GSN: variants seen among roughly 807,000 people sequenced by gnomAD.
GSN encodes the protein gelsolin.
GSN carries 56 observed loss-of-function variants against 85.7 expected under a neutral mutation model. The observed-to-expected ratio is 0.65, with a 90% CI of 0.53 to 0.82. The LOEUF (loss-of-function observed/expected upper bound fraction) is 0.82, where lower values mean the gene tolerates loss of function less well. GSN is among the 40% of genes least tolerant of loss of function. The probability of loss-of-function intolerance (pLI) is 0.00; values close to 1 mark genes in which losing one functional copy is unlikely to be tolerated. For missense variants in GSN, 857 were observed against 979.8 expected, an observed-to-expected ratio of 0.87 and a Z score of 1.67; for synonymous variants, 373 against 399.1, an observed-to-expected ratio of 0.93 and a Z score of 0.78.
In GSN at chr9:121,318,832, C is replaced by T. The variant is rs2062028424; in HGVS notation, c.1143C>T (p.Ala381=). ...CCGCCACCCTGCACACCTCCACTGC[C>T]ATGGCCGCCCAGCACGGCATGGATG... ...FDAATLHTST[A]MAAQHGMDDD... Residue 381 remains alanine, a synonymous_variant, in exon 10 of 18, where the codon GCC becomes GCT. Transcript: ENST00000432226. This position sits in a 1 kb window ranked among gnomAD's most constrained non-coding sequence, Gnocchi z 4.3. 5 of 1,614,008 alleles carry T rather than the reference C, an allele frequency of 3.1e-6. No homozygotes were observed. Among genetic ancestry groups the T allele is most frequent in the Non-Finnish European group, 8.5e-7 (1 of 1,180,036 alleles).
chr9:121,327,025 C>A, intron 13 of GSN: 1 of 656,558 alleles, frequency 1.5e-6, no homozygotes, highest in South Asian at 1.6e-5. Flanking sequence ...GTCTGAGCAG[C>A]CTAGAGGGGA....
chr9:121,297,892 GT>G (rs1484271142), intron 2 of GSN: 2 of 152,210 alleles, frequency 1.3e-5, no homozygotes, highest in African/African-American at 2.4e-5. Context: ...TGTGTTTTGA[GT>G]TTGGATAAAT....
chr9:121,317,284 C>G lies in GSN; in HGVS notation c.886+66C>G, dbSNP rs895569559. 82 of 1,557,150 alleles carry G rather than the reference C, an allele frequency of 5.3e-5. No homozygotes were observed. The Middle Eastern group carries it at 6.7e-4, about 13-fold the overall frequency. ...TCTTGGATGGGATGTTCTGCAGCTC[C>G]CAGGAACTCAGCTCCCGGGGAGTGT... On this transcript the variant is annotated intron_variant, in intron 8 of 17. Transcript: ENST00000432226.
At chr9:121,212,238 A>C (rs1193658555) in intron 4 of GSN, among the ~76,000 whole-genome samples, 25 of 152,332 alleles carry the variant, frequency 1.6e-4, no homozygotes, top group Admixed American at 1.6e-3. Context: ...CAGACTCTCT[A>C]ATCCTTATCA....
intron 6 of GSN, among the ~76,000 whole-genome samples, chr9:121,254,543 G>C (rs1484979914): frequency 6.6e-6 from 1 of 152,040 alleles, no homozygotes; most frequent in Non-Finnish European, 1.5e-5. Context: ...TTCTCTTTAG[G>C]ATGATTTTAA....
intron 11 of GSN, among the ~76,000 whole-genome samples, chr9:121,323,501 C>T (rs1015496416): frequency 6.0e-5 from 9 of 151,192 alleles, no homozygotes; most frequent in Non-Finnish European, 1.2e-4. Context: ...TCCTGAGTAT[C>T]TGGGACTACA....
chr9:121,300,793 G>C (rs1035526439), intron 2 of GSN, among the ~76,000 whole-genome samples: 1 of 152,184 alleles, frequency 6.6e-6, no homozygotes, highest in Non-Finnish European at 1.5e-5. Context: ...GCAGGAGGGA[G>C]GAGGCAGACA....
In GSN at chr9:121,318,609, G is replaced by A; in HGVS notation, c.976-56G>A. 1.3e-6 allele frequency: 2 copies of A among 1,503,384 alleles called. No individual in the cohort carries two copies. Among genetic ancestry groups the A allele is most frequent in the Non-Finnish European group, 9.3e-7 (1 of 1,080,244 alleles). The allele number at this position is 1,503,384 out of a possible 1,614,324, so 93.1% of individuals were successfully genotyped here. On this transcript the variant is annotated intron_variant, in intron 9 of 17. Coordinates refer to ENST00000432226, the MANE Select transcript of GSN (RefSeq NM_198252.3). The surrounding 1 kb of genome is among the most constrained non-coding windows in gnomAD (Gnocchi z 4.3). ...TGGATGGGGTATCTGAGGCTCCCCTGGGGACCCCTGCTGGGCAGCCCAGCC... is the reference window on the plus strand; with the variant it reads ...TGGATGGGGTATCTGAGGCTCCCCTAGGGACCCCTGCTGGGCAGCCCAGCC...
intron 4 of GSN, chr9:121,222,858 C>T (rs1333354451): frequency 6.6e-6 from 1 of 151,956 alleles, no homozygotes; most frequent in Non-Finnish European, 1.5e-5. Flanking sequence ...AAGTGGGTAA[C>T]GTGAGAGAGT....
At chr9:121,270,955 G>A (rs2055852154) in intron 1 of GSN, among the ~76,000 whole-genome samples, 1 of 152,220 alleles carries the variant, frequency 6.6e-6, no homozygotes, top group Admixed American at 6.5e-5. Flanking sequence ...TAGAAGCACT[G>A]ACTTGGAAAT....
At chr9:121,282,054 C>T (rs147969354) in intron 2 of GSN, 24 of 474,158 alleles carry the variant, frequency 5.1e-5, no homozygotes, top group African/African-American at 2.0e-4. Context: ...GAGTCATGCC[C>T]GCTGGGGCCA....
chr9:121,325,800 T>A (rs888869572), intron 12 of GSN, among the ~76,000 whole-genome samples: 8 of 152,030 alleles, frequency 5.3e-5, no homozygotes, highest in Admixed American at 2.6e-4. Context: ...AGTAGCATCC[T>A]TGGCTGCATT....
intron 5 of GSN, among the ~76,000 whole-genome samples, chr9:121,244,562 G>A (rs909393404): frequency 6.6e-6 from 1 of 152,158 alleles, no homozygotes; most frequent in Admixed American, 6.5e-5. Context: ...CAGTGGTATA[G>A]TAATCCCACT....
upstream of GSN, among the ~76,000 whole-genome samples, chr9:121,206,535 C>T (rs1270457899): frequency 6.6e-6 from 1 of 151,874 alleles, no homozygotes; most frequent in Non-Finnish European, 1.5e-5. Flanking sequence ...CACCTTATAC[C>T]ACCCCCTCCC....
At chr9:121,276,106 T>C (rs2056634300) in intron 1 of GSN, among the ~76,000 whole-genome samples, 2 of 152,236 alleles carry the variant, frequency 1.3e-5, no homozygotes, top group Admixed American at 1.3e-4. Flanking sequence ...AGCATTGCAT[T>C]GGGAGCCTTG....
chr9:121,326,601 C>A lies in GSN; in HGVS notation c.1506C>A (p.Arg502=), dbSNP rs199681748. ...PMIIYKGGTS[R]EGGQTAPAST... ...TCATCTACAAGGGCGGCACCTCCCG[C>A]GAGGGCGGGCAGACAGCCCCTGCCA... The change falls in exon 13 of 18, where the codon CGC becomes CGA. Residue 502 remains arginine (R), a synonymous_variant. Transcript: ENST00000432226. The A allele has an allele frequency of 1.2e-6, 2 of 1,610,140 alleles. No individual in the cohort carries two copies. Among genetic ancestry groups the A allele is most frequent in the African/African-American group, 1.3e-5 (1 of 75,004 alleles).
intron 4 of GSN, among the ~76,000 whole-genome samples, chr9:121,307,758 G>C (rs182937241): frequency 1.9e-3 from 289 of 152,326 alleles, no homozygotes; most frequent in African/African-American, 6.9e-3. Flanking sequence ...GCACAGGTGA[G>C]CGCAGGTTGT....
intron 8 of GSN, 142 bp downstream of exon 8, chr9:121,317,360 T>C: frequency 1.1e-6 from 1 of 935,654 alleles, no homozygotes; most frequent in East Asian, 2.4e-5. Context: ...GAGGCCTTGG[T>C]TTTGCATTTG....
chr9:121,316,390 A>G (rs1483134432), intron 7 of GSN, among the ~76,000 whole-genome samples: 1 of 152,154 alleles, frequency 6.6e-6, no homozygotes, highest in Admixed American at 6.5e-5. Context: ...AGATTTCCCC[A>G]GTTTTTTATT....
Sources: gnomAD v4.1 joint callset for allele counts (sites outside exome capture counted in the v4.1 genomes callset) on GRCh38, gnomAD v4.1.1 for gene constraint, Gnocchi (gnomAD v3.1) non-coding constraint, MANE v1.5 for transcripts, NCBI Gene and HGNC (gene_info 2026-07-23, HGNC 2026-07-21) for gene names.